Variants in EMID1 observed in about 807,000 individuals in gnomAD.
The protein encoded by EMID1 is EMI domain-containing protein 1.
A neutral mutation model predicts 60.6 loss-of-function variants in EMID1; 40 were observed. The observed-to-expected ratio is 0.66, with a 90% CI of 0.51 to 0.86. The LOEUF (loss-of-function observed/expected upper bound fraction) is 0.86. Among genes scored for constraint, EMID1 ranks in the 40% least tolerant of loss-of-function variants. EMID1 has a pLI of 0.00. For missense variants in EMID1, 585 were observed against 597.1 expected, an observed-to-expected ratio of 0.98 and a Z score of 0.21; for synonymous variants, 242 against 231.0, an observed-to-expected ratio of 1.05 and a Z score of -0.43.
At chr22:29,254,564 G>A in intron 14 of EMID1, 3 of 372,854 alleles carry the variant, frequency 8.0e-6, no homozygotes, top group Non-Finnish European at 1.5e-5. Flanking sequence ...GGCCTGCAGG[G>A]AACCAGAGAT....
At chr22:29,246,550 G>A (rs1449678267) in intron 13 of EMID1, among the ~76,000 whole-genome samples, 1 of 152,164 alleles carries the variant, frequency 6.6e-6, no homozygotes. Context: ...CTGCAAAAGG[G>A]AGTGAGGAGT....
At chr22:29,214,897 T>C in intron 1 of EMID1, 29 bp from the exon 2 acceptor site, 2 of 1,473,202 alleles carry the variant, frequency 1.4e-6, no homozygotes, top group East Asian at 2.5e-5. Flanking sequence ...GTGTGGTACC[T>C]GAGTTTCCTC....
rs747192559 is a variant in EMID1, at chr22:29,234,159, C to T, written c.989C>T (p.Pro330Leu). ...CAGGGACCCCCAGGCCCCACTGGAC[C>T]CAAAGGAATCTCTGGCCACCCAGGA... ...GHIGPPGPTG[P>L]KGISGHPGEK... The change falls in exon 11 of 15, where the codon CCC becomes CTC. Residue 330 changes from proline to leucine, a missense_variant. Physicochemically the swap from Pro to Leu is moderately conservative, Grantham distance 98. Coordinates refer to ENST00000334018, the MANE Select transcript of EMID1 (RefSeq NM_133455.4). The T allele has an allele frequency of 1.5e-5, 24 of 1,598,546 alleles. No homozygotes were observed. Among genetic ancestry groups the T allele is most frequent in the East Asian group, 2.3e-5 (1 of 44,230 alleles).
chr22:29,236,620 G>A (rs2040957982), intron 12 of EMID1, among the ~76,000 whole-genome samples: 1 of 151,912 alleles, frequency 6.6e-6, no homozygotes, highest in Non-Finnish European at 1.5e-5. Context: ...GAACCTGGGA[G>A]GCGGAGGTTG....
chr22:29,227,215 T>C (rs2040548121), intron 5 of EMID1, among the ~76,000 whole-genome samples: 1 of 152,032 alleles, frequency 6.6e-6, no homozygotes, highest in East Asian at 1.9e-4. Flanking sequence ...CTCAGCCTCC[T>C]GAGTAGCTGG....
At chr22:29,254,063 G>C in intron 13 of EMID1, 140 bp from the exon 14 acceptor site, 1 of 1,537,440 alleles carries the variant, frequency 6.5e-7, no homozygotes. Flanking sequence ...TCTTGTTCTG[G>C]CTGTCCATGG....
intron 3 of EMID1, among the ~76,000 whole-genome samples, chr22:29,218,482 C>T (rs1277720213): frequency 6.6e-6 from 1 of 152,124 alleles, no homozygotes; most frequent in African/African-American, 2.4e-5. Flanking sequence ...CCTGAGGTCA[C>T]TCGGCAGGTG....
At chr22:29,247,923 G>A (rs936365501) in intron 13 of EMID1, among the ~76,000 whole-genome samples, 28 of 151,138 alleles carry the variant, frequency 1.9e-4, no homozygotes, top group African/African-American at 6.6e-4. Context: ...GAGCCACCGC[G>A]CTGGTGAAAT....
chr22:29,213,904 T>C (rs1350878198), intron 1 of EMID1, among the ~76,000 whole-genome samples: 1 of 152,198 alleles, frequency 6.6e-6, no homozygotes. Flanking sequence ...TCCACCTTGC[T>C]GGGTTCAAAT....
chr22:29,254,078 T>C, intron 13 of EMID1, 125 bp from the exon 14 acceptor site: 2 of 1,565,036 alleles, frequency 1.3e-6, no homozygotes, highest in Non-Finnish European at 1.7e-6. Context: ...CCATGGACCC[T>C]GGGCTGTGGC....
chr22:29,228,107 G>C (rs531908195), intron 5 of EMID1, among the ~76,000 whole-genome samples: 1 of 145,896 alleles, frequency 6.9e-6, no homozygotes, highest in South Asian at 2.2e-4. Flanking sequence ...AGTGAGCCGA[G>C]ATTGTGCCAT....
At chr22:29,251,451 C>T (rs2041525132) in intron 13 of EMID1, among the ~76,000 whole-genome samples, 1 of 150,772 alleles carries the variant, frequency 6.6e-6, no homozygotes, top group South Asian at 2.1e-4. Flanking sequence ...ATCCTCCCAC[C>T]TTGGCCACTT....
chr22:29,211,504 C>T (rs534705266), intron 1 of EMID1, among the ~76,000 whole-genome samples: 17 of 151,752 alleles, frequency 1.1e-4, no homozygotes, highest in African/African-American at 3.1e-4. Flanking sequence ...CATGTGTGTG[C>T]GTGTATCTGT....
chr22:29,235,069 C>T (rs557198370), intron 12 of EMID1, among the ~76,000 whole-genome samples: 7 of 151,936 alleles, frequency 4.6e-5, no homozygotes, highest in South Asian at 2.1e-4. Flanking sequence ...AAGTGTGGAC[C>T]GGGCACGGTG....
At chr22:29,239,661 T>A (rs553983839) in intron 12 of EMID1, among the ~76,000 whole-genome samples, 1 of 152,188 alleles carries the variant, frequency 6.6e-6, no homozygotes, top group Non-Finnish European at 1.5e-5. Context: ...GTAGACATAA[T>A]GTACTGTGCA....
chr22:29,211,549 A>T (rs568439225), intron 1 of EMID1, among the ~76,000 whole-genome samples: 19 of 148,852 alleles, frequency 1.3e-4, no homozygotes, highest in Non-Finnish European at 2.5e-4. Flanking sequence ...ATGCATGAAC[A>T]TGTGTGTCCA....
intron 3 of EMID1, among the ~76,000 whole-genome samples, chr22:29,217,431 CA>C (rs2040128239): frequency 1.3e-5 from 2 of 152,264 alleles, no homozygotes; most frequent in South Asian, 4.1e-4. Context: ...TGCCACACAC[CA>C]GCTGCATGGC....
chr22:29,226,305 C>A (rs1341288093), intron 4 of EMID1, 185 bp from the exon 5 acceptor site: 6 of 541,460 alleles, frequency 1.1e-5, no homozygotes, highest in Non-Finnish European at 1.9e-5. Context: ...CCAAAAGGAA[C>A]CCATAGGGTG....
chr22:29,232,391 T>C lies in EMID1; in HGVS notation c.812T>C (p.Ile271Thr), dbSNP rs1298575378. ...PAPVGPPHAR[I>T]SQHGDPLLSN... ...CCTGTTGGGCCACCCCATGCCCGGATCTCCCAGCATGGTGAGTCCCCCTGG... is the reference window on the plus strand; with the variant it reads ...CCTGTTGGGCCACCCCATGCCCGGACCTCCCAGCATGGTGAGTCCCCCTGG... The change falls in exon 8 of 15, where the codon ATC becomes ACC. Residue 271 changes from isoleucine (I) to threonine (T), a missense_variant. Coordinates refer to ENST00000334018, the MANE Select transcript of EMID1 (RefSeq NM_133455.4). 1.3e-6 allele frequency: 2 copies of C among 1,582,782 alleles called. No individual in the cohort carries two copies. Among genetic ancestry groups the C allele is most frequent in the South Asian group, 2.3e-5 (2 of 87,582 alleles).
Sources: allele counts gnomAD v4.1 joint callset (sites outside exome capture counted in the v4.1 genomes callset), GRCh38; gene constraint gnomAD v4.1.1; transcripts MANE v1.5; gene names NCBI Gene and HGNC (gene_info 2026-07-23, HGNC 2026-07-21).